The following EIF4E variants were observed in gnomAD, a reference collection of about 807,000 sequenced individuals.
EIF4E encodes the protein eukaryotic translation initiation factor 4E.
For synonymous variants in EIF4E, 71 were observed against 88.5 expected, an observed-to-expected ratio of 0.80 and a Z score of 1.11; for missense variants, 113 against 265.6, an observed-to-expected ratio of 0.43 and a Z score of 3.99.
chr4:98,928,221 T>A (rs988842156), intron 1 of EIF4E, among the ~76,000 whole-genome samples: 5 of 151,600 alleles, frequency 3.3e-5, no homozygotes, highest in East Asian at 2.0e-4. Context: ...GCGTGTGAAA[T>A]GCAGCAGGTC....
chr4:98,927,654 CAAAAAAAAAAAAAAA>C (rs774720176), intron 1 of EIF4E, among the ~76,000 whole-genome samples: 9 of 35,090 alleles, frequency 2.6e-4, no homozygotes, highest in Admixed American at 4.1e-4. Flanking sequence ...GACTCCATCT[CAAAAAAAAAAAAAAA>C]AAAAAAAAAA....
rs531522747 is a variant in EIF4E at position 98,918,072 on chromosome 4, A to T, written c.18+11023T>A. ...AACAGTGAGACCCTGTCTCAAAAAA[A>T]TTTTTTTTTGCCAGGTGTGGTGGCT... On this transcript the variant is annotated intron_variant, in intron 1 of 6. Coordinates refer to ENST00000450253, the MANE Select transcript of EIF4E (RefSeq NM_001968.5). Among the ~76,000 whole-genome samples the T allele has an allele frequency of 4.8e-5, 7 of 144,466 alleles. No homozygotes were observed. In the South Asian group the frequency reaches 8.8e-4, roughly 18 times the overall value. The allele number at this position is 144,466 out of a possible 152,430, so 94.8% of individuals were successfully genotyped here. A position where few individuals can be genotyped will look rare whatever the true frequency, so the allele number is the denominator to read the frequency against.
chr4:98,892,039 A>G (rs1361090045), intron 2 of EIF4E, among the ~76,000 whole-genome samples: 1 of 152,218 alleles, frequency 6.6e-6, no homozygotes, highest in Non-Finnish European at 1.5e-5. Context: ...ATAAGCAAGC[A>G]CAGTTATTTA....
At chr4:98,886,162 T>A (rs538884961) in intron 5 of EIF4E, among the ~76,000 whole-genome samples, 1 of 151,940 alleles carries the variant, frequency 6.6e-6, no homozygotes, top group Non-Finnish European at 1.5e-5. Flanking sequence ...AAAAGCAAAA[T>A]AGTCACTTAT....
chr4:98,885,104 AGCTCATTAC>A (rs1224907365), intron 5 of EIF4E, 43 bp from the exon 6 acceptor site: 1 of 1,587,898 alleles, frequency 6.3e-7, no homozygotes, highest in Non-Finnish European at 8.6e-7. Flanking sequence ...ATTATAAACA[AGCTCATTAC>A]ACTGCAAATG....
chr4:98,896,508 A>AC (rs1724406993), intron 2 of EIF4E, among the ~76,000 whole-genome samples: 1 of 149,132 alleles, frequency 6.7e-6, no homozygotes, highest in African/African-American at 2.5e-5. Flanking sequence ...AAAAAAAAAA[A>AC]AACACCTTAG....
Position 98,915,961 on chromosome 4 carries a change from C to T in EIF4E, c.18+13134G>A, listed in dbSNP as rs773285800. Among the ~76,000 whole-genome samples, 5 of 151,242 alleles carry T rather than the reference C, an allele frequency of 3.3e-5. No individual in the cohort carries two copies. The East Asian group carries it at 5.9e-4, about 18-fold the overall frequency. On this transcript the variant is annotated intron_variant, in intron 1 of 6. Transcript: ENST00000450253. ...ATCCCAGCACTTTGGGAGGCCGAGG[C>T]GGGCGGATCACTTGAGGTCAGGAGT... is the stretch of plus-strand genomic sequence containing the variant.
chr4:98,891,386 G>A (rs1724137282), intron 2 of EIF4E, 54 bp from the exon 3 acceptor site: 2 of 1,512,720 alleles, frequency 1.3e-6, no homozygotes, highest in South Asian at 2.3e-5. Context: ...CATGTTAAAA[G>A]CAACATTATT....
intron 1 of EIF4E, among the ~76,000 whole-genome samples, chr4:98,904,989 T>C (rs1724806871): frequency 6.6e-6 from 1 of 152,030 alleles, no homozygotes; most frequent in Non-Finnish European, 1.5e-5. Context: ...GTATGATCTA[T>C]ATGGGAACTA....
chr4:98,925,689 C>G (rs1159729956), intron 1 of EIF4E, among the ~76,000 whole-genome samples: 1 of 152,118 alleles, frequency 6.6e-6, no homozygotes, highest in Non-Finnish European at 1.5e-5. Flanking sequence ...AAAAATCATC[C>G]AGATACCTAT....
chr4:98,893,011 T>C (rs1724221196), intron 2 of EIF4E, among the ~76,000 whole-genome samples: 1 of 152,192 alleles, frequency 6.6e-6, no homozygotes, highest in Non-Finnish European at 1.5e-5. Flanking sequence ...TTCCAGATCA[T>C]CATAATAAAG....
At chr4:98,913,315 T>A (rs929206266) in intron 1 of EIF4E, among the ~76,000 whole-genome samples, 1 of 152,178 alleles carries the variant, frequency 6.6e-6, no homozygotes, top group Admixed American at 6.6e-5. Flanking sequence ...CAACTTCTTA[T>A]CCAACAAATT....
chr4:98,911,451 G>A (rs1355761363), intron 1 of EIF4E, among the ~76,000 whole-genome samples: 2 of 149,074 alleles, frequency 1.3e-5, no homozygotes, highest in African/African-American at 4.9e-5. Flanking sequence ...TCTGAGGTTG[G>A]GAGTTTGAGA....
intron 2 of EIF4E, among the ~76,000 whole-genome samples, chr4:98,893,860 C>T (rs1355184180): frequency 1.3e-5 from 2 of 152,198 alleles, no homozygotes; most frequent in African/African-American, 4.8e-5. Context: ...TGTCCAGATC[C>T]ATCAAAGGAA....
At chr4:98,925,280 C>A (rs1451413517) in intron 1 of EIF4E, among the ~76,000 whole-genome samples, 1 of 151,968 alleles carries the variant, frequency 6.6e-6, no homozygotes, top group Non-Finnish European at 1.5e-5. Context: ...CTAAAGAAAT[C>A]AAAATTAATC....
At chr4:98,920,262 A>C (rs146556560) in intron 1 of EIF4E, among the ~76,000 whole-genome samples, 33 of 152,246 alleles carry the variant, frequency 2.2e-4, no homozygotes, top group Admixed American at 3.3e-4. Flanking sequence ...TTTCCTTTGT[A>C]AACCTATGCA....
intron 1 of EIF4E, among the ~76,000 whole-genome samples, chr4:98,908,154 C>T (rs1314749859): frequency 6.6e-6 from 1 of 152,134 alleles, no homozygotes; most frequent in East Asian, 1.9e-4. Flanking sequence ...ATCCTCAGAT[C>T]CTTACACCAG....
At chr4:98,913,116 G>A (rs1167156571) in intron 1 of EIF4E, among the ~76,000 whole-genome samples, 1 of 151,996 alleles carries the variant, frequency 6.6e-6, no homozygotes, top group Non-Finnish European at 1.5e-5. Flanking sequence ...GCTGAGGCAG[G>A]AGAATTGCTT....
chr4:98,924,870 C>T (rs746815555), intron 1 of EIF4E, among the ~76,000 whole-genome samples: 2 of 152,200 alleles, frequency 1.3e-5, no homozygotes, highest in Admixed American at 1.3e-4. Flanking sequence ...GCTGAGATTA[C>T]AGGCGTGAGC....
Sources: allele counts gnomAD v4.1 joint callset (sites outside exome capture counted in the v4.1 genomes callset), GRCh38; gene constraint gnomAD v4.1.1; transcripts MANE v1.5; gene names NCBI Gene and HGNC (gene_info 2026-07-23, HGNC 2026-07-21).